Variants in PRKD3 observed in about 807,000 individuals in gnomAD.
PRKD3 encodes serine/threonine-protein kinase D3.
In PRKD3, 47 loss-of-function variants were observed where a neutral mutation model predicts 99.2. The observed-to-expected ratio is 0.47, with a 90% CI of 0.38 to 0.60. The LOEUF (loss-of-function observed/expected upper bound fraction) is 0.60. Among genes scored for constraint, PRKD3 ranks in the 20% least tolerant of loss-of-function variants. The pLI, the probability that PRKD3 is intolerant of heterozygous loss-of-function variation, is 0.00. For missense variants in PRKD3, 1,019 were observed against 1,088.4 expected (o/e 0.94, Z 0.90); for synonymous variants, 392 against 355.4 (o/e 1.10, Z -1.16).
intron 2 of PRKD3, among the ~76,000 whole-genome samples, chr2:37,299,155 T>C (rs1395025676): frequency 6.6e-6 from 1 of 152,200 alleles, no homozygotes; most frequent in East Asian, 1.9e-4. Flanking sequence ...TGAATTTTAC[T>C]GAATGTTTTT....
At chr2:37,293,331 T>C in intron 2 of PRKD3, 60 bp from the exon 3 acceptor site, 2 of 1,412,242 alleles carry the variant, frequency 1.4e-6, no homozygotes, top group Non-Finnish European at 1.9e-6. Flanking sequence ...TAAGTAAACG[T>C]TTCAATTTTA....
chr2:37,262,249 T>C (rs1201526548), intron 14 of PRKD3, among the ~76,000 whole-genome samples: 1 of 152,226 alleles, frequency 6.6e-6, no homozygotes, highest in Admixed American at 6.5e-5. Context: ...AGATGTTTCT[T>C]GAAGCCTTAA....
At position 37,267,542 on chromosome 2, in the gene PRKD3, A is replaced by C. The variant is rs1351781146; in HGVS notation, c.1778-6T>G. On this transcript the variant is annotated splice_polypyrimidine_tract_variant and splice_region_variant and intron_variant, in intron 13 of 18. Coordinates refer to ENST00000234179, the MANE Select transcript of PRKD3 (RefSeq NM_005813.6). ...CCCAGTCTTTCTATGTTTTCCTATTAAGAAAAAAAGAAGAGGAACGAATGA... is the reference window on the plus strand; with the variant it reads ...CCCAGTCTTTCTATGTTTTCCTATTCAGAAAAAAAGAAGAGGAACGAATGA... 6.3e-7 allele frequency: 1 copy of C among 1,582,406 alleles called. No homozygotes were observed.
Position 37,251,296 on chromosome 2 carries a change from G to GTAGA in PRKD3, c.*1877_*1880dup, listed in dbSNP as rs1167370182. 2.6e-5 allele frequency: 4 copies of GTAGA among 152,560 alleles called. No individual in the cohort carries two copies. Among genetic ancestry groups the GTAGA allele is most frequent in the Admixed American group, 6.5e-5 (1 of 15,276 alleles). The allele number at this position is 152,560 out of a possible 1,614,324, so 9.5% of individuals were successfully genotyped here. ...GAATGTTTCCTGGAGGTATTTATGGGTAGATAGTACAGCATAATGGTTGGG... is the reference window on the plus strand; with the variant it reads ...GAATGTTTCCTGGAGGTATTTATGGGTAGATAGATAGTACAGCATAATGGTTGGG... On this transcript the variant is annotated 3_prime_UTR_variant, in exon 19 of 19. Transcript: ENST00000234179.
intron 13 of PRKD3, chr2:37,268,172 G>A (rs985412386): frequency 8.1e-6 from 3 of 369,628 alleles, no homozygotes; most frequent in Non-Finnish European, 1.6e-5. Context: ...CTTCAAATAT[G>A]TATCTGACTT....
At chr2:37,313,841 A>G (rs1053947607) in intron 2 of PRKD3, among the ~76,000 whole-genome samples, 4 of 152,218 alleles carry the variant, frequency 2.6e-5, no homozygotes, top group African/African-American at 4.8e-5. Flanking sequence ...AAAATATCAT[A>G]TATCAGAACA....
At position 37,309,468 on chromosome 2, in the gene PRKD3, C is replaced by G. The variant is rs142922524; in HGVS notation, c.288+6769G>C. ...GCATGCTTACTTACTCACTGCTCAACAATGGTAATTAACTGACTAGTTAAA... is the reference window on the plus strand; with the variant it reads ...GCATGCTTACTTACTCACTGCTCAAGAATGGTAATTAACTGACTAGTTAAA... On this transcript the variant is annotated intron_variant, in intron 2 of 18. Transcript: ENST00000234179. Among the ~76,000 whole-genome samples the G allele has an allele frequency of 9.2e-5, 14 of 152,324 alleles. 1 individual carries two copies. The East Asian group carries it at 2.7e-3, about 29-fold the overall frequency.
intron 13 of PRKD3, chr2:37,267,978 A>G: frequency 5.3e-6 from 1 of 187,740 alleles, no homozygotes. Context: ...GATATAAAAA[A>G]TTTATATTTG....
At chr2:37,299,449 G>C (rs1272084986) in intron 2 of PRKD3, among the ~76,000 whole-genome samples, 1 of 151,358 alleles carries the variant, frequency 6.6e-6, no homozygotes, top group Admixed American at 6.6e-5. Context: ...GTAGTGGACT[G>C]CCTGAGCTCA....
At chr2:37,268,503 A>G (rs1668996985) in intron 13 of PRKD3, 1 of 356,354 alleles carries the variant, frequency 2.8e-6, no homozygotes, top group Non-Finnish European at 5.5e-6. Flanking sequence ...CAACGCTCCA[A>G]TAAAGTTCAG....
At chr2:37,271,660 A>C (rs1669272502) in intron 12 of PRKD3, among the ~76,000 whole-genome samples, 1 of 152,124 alleles carries the variant, frequency 6.6e-6, no homozygotes, top group Non-Finnish European at 1.5e-5. Context: ...AGGAGGGCAA[A>C]CCCTACTGTG....
Position 37,259,681 on chromosome 2 carries a change from T to C in PRKD3, c.2047A>G (p.Ile683Val). ...ERITKFMVTQILVALRNLHFK... is the reference protein window; with the variant it reads ...ERITKFMVTQVLVALRNLHFK... ...TGCAGATTCCTCAAAGCAACAAGTA[T>C]CTGTTATGAAAAAAGATTTTCTTTT... Residue 683 changes from isoleucine (I) to valine (V), a missense_variant and splice_region_variant, in exon 16 of 19, where the codon ATA becomes GTA. Coordinates refer to ENST00000234179, the MANE Select transcript of PRKD3 (RefSeq NM_005813.6). 6.2e-7 allele frequency: 1 copy of C among 1,602,426 alleles called. No homozygotes were observed. The highest frequency in any genetic ancestry group is 8.5e-7 in the Non-Finnish European group (1 of 1,170,946).
chr2:37,314,143 T>A (rs1671562998), intron 2 of PRKD3, among the ~76,000 whole-genome samples: 1 of 152,122 alleles, frequency 6.6e-6, no homozygotes, highest in East Asian at 1.9e-4. Flanking sequence ...AAGAAGTCAA[T>A]AAAGATATAG....
At chr2:37,307,095 C>G (rs1013816016) in intron 2 of PRKD3, among the ~76,000 whole-genome samples, 1 of 152,128 alleles carries the variant, frequency 6.6e-6, no homozygotes, top group Non-Finnish European at 1.5e-5. Flanking sequence ...GCCCTCTATC[C>G]ACTAGATGCT....
intron 1 of PRKD3, chr2:37,324,074 T>C (rs1224379988): frequency 3.8e-6 from 2 of 525,992 alleles, no homozygotes; most frequent in African/African-American, 4.1e-5. Flanking sequence ...CACTCCTCAG[T>C]GTTTCAGCTT....
intron 2 of PRKD3, among the ~76,000 whole-genome samples, chr2:37,312,711 C>T (rs913551015): frequency 6.6e-6 from 1 of 152,110 alleles, no homozygotes; most frequent in Non-Finnish European, 1.5e-5. Flanking sequence ...TAAGTAACAG[C>T]GCTGTTAGCT....
At chr2:37,260,992 A>G (rs954641107) in intron 14 of PRKD3, among the ~76,000 whole-genome samples, 6 of 152,210 alleles carry the variant, frequency 3.9e-5, no homozygotes, top group African/African-American at 1.4e-4. Context: ...TTGTTCTACT[A>G]CAGAAAATCC....
At chr2:37,287,833 T>G (rs1179088025) in intron 5 of PRKD3, among the ~76,000 whole-genome samples, 1 of 152,206 alleles carries the variant, frequency 6.6e-6, no homozygotes, top group Non-Finnish European at 1.5e-5. Flanking sequence ...TACAAAAATT[T>G]TTAATTCATG....
intron 9 of PRKD3, among the ~76,000 whole-genome samples, chr2:37,276,333 A>G (rs1669569601): frequency 6.6e-6 from 1 of 152,186 alleles, no homozygotes; most frequent in Non-Finnish European, 1.5e-5. Flanking sequence ...TCATTAATGC[A>G]GTATGTTAAT....
Sources: allele counts gnomAD v4.1 joint callset (sites outside exome capture counted in the v4.1 genomes callset), GRCh38; gene constraint gnomAD v4.1.1; transcripts MANE v1.5; gene names NCBI Gene and HGNC (gene_info 2026-07-23, HGNC 2026-07-21).